Variants in MACROD2 observed in about 807,000 individuals in gnomAD.
The protein encoded by MACROD2 is ADP-ribose glycohydrolase MACROD2.
A neutral mutation model predicts 70.4 loss-of-function variants in MACROD2; 36 were observed. The observed-to-expected ratio is 0.51, with a 90% CI of 0.39 to 0.68. MACROD2 has a LOEUF of 0.68. Among genes scored for constraint, MACROD2 ranks in the 30% least tolerant of loss-of-function variants. The pLI is 0.00. For missense variants in MACROD2, 496 were observed against 538.4 expected (o/e 0.92, Z 0.78); for synonymous variants, 172 against 178.8 (o/e 0.96, Z 0.30).
intron 8 of MACROD2, among the ~76,000 whole-genome samples, chr20:15,551,430 T>C (rs2048095252): frequency 2.6e-5 from 4 of 152,086 alleles, no homozygotes; most frequent in Admixed American, 2.6e-4. Flanking sequence ...ATATTATTAT[T>C]TTACCATAAC....
intron 5 of MACROD2, among the ~76,000 whole-genome samples, chr20:14,881,254 T>A (rs1481705478): frequency 6.6e-6 from 1 of 150,580 alleles, no homozygotes; most frequent in Non-Finnish European, 1.5e-5. Context: ...GGTTCTTTCA[T>A]GCATTCCCTT....
At chr20:16,003,123 A>ACAC (rs1555806741) in intron 15 of MACROD2, among the ~76,000 whole-genome samples, 2 of 134,322 alleles carry the variant, frequency 1.5e-5, no homozygotes, top group Admixed American at 7.4e-5. Context: ...CACACACACA[A>ACAC]ACAATCTCTA....
intron 3 of MACROD2, among the ~76,000 whole-genome samples, chr20:14,115,835 T>C (rs2054506818): frequency 6.6e-6 from 1 of 152,190 alleles, no homozygotes; most frequent in Non-Finnish European, 1.5e-5. Context: ...ACACAAATTA[T>C]AGTGATTCTG....
At chr20:14,428,815 A>G in intron 3 of MACROD2, among the ~76,000 whole-genome samples, 1 of 152,192 alleles carries the variant, frequency 6.6e-6, no homozygotes, top group Non-Finnish European at 1.5e-5. Flanking sequence ...TAGAATGAAT[A>G]AGAACTTTCA....
intron 8 of MACROD2, among the ~76,000 whole-genome samples, chr20:15,534,416 T>C (rs886495433): frequency 6.6e-6 from 1 of 152,368 alleles, no homozygotes; most frequent in East Asian, 1.9e-4. Flanking sequence ...AATATCCACA[T>C]TGACCCAGTT....
intron 5 of MACROD2, among the ~76,000 whole-genome samples, chr20:14,960,274 G>A (rs937749975): frequency 6.6e-6 from 1 of 152,114 alleles, no homozygotes; most frequent in Non-Finnish European, 1.5e-5. Context: ...ATGTTGAAAT[G>A]AGCATCATCG....
chr20:15,156,508 C>G (rs1022757), intron 5 of MACROD2, among the ~76,000 whole-genome samples: 23,560 of 152,038 alleles, frequency 0.15, 2,027 homozygotes, highest in East Asian at 0.34. Context: ...ATCCCCTTGA[C>G]TCACCCCAAT....
intron 4 of MACROD2, among the ~76,000 whole-genome samples, chr20:14,682,966 G>A (rs920097475): frequency 6.6e-5 from 10 of 151,972 alleles, no homozygotes; most frequent in Non-Finnish European, 1.0e-4. Flanking sequence ...TGCAACCTCC[G>A]CCTCCTAGGT....
At chr20:15,065,818 G>T (rs962577044) in intron 5 of MACROD2, among the ~76,000 whole-genome samples, 10 of 152,120 alleles carry the variant, frequency 6.6e-5, no homozygotes, top group Non-Finnish European at 1.0e-4. Context: ...TAAAATAAGA[G>T]ATGTATTCCA....
At chr20:14,386,566 A>G (rs955386361) in intron 3 of MACROD2, among the ~76,000 whole-genome samples, 1 of 152,192 alleles carries the variant, frequency 6.6e-6, no homozygotes, top group African/African-American at 2.4e-5. Flanking sequence ...ACATCTGATC[A>G]TTTAAAAGTA....
intron 2 of MACROD2, among the ~76,000 whole-genome samples, chr20:14,045,773 G>A (rs2053464192): frequency 6.6e-6 from 1 of 152,134 alleles, no homozygotes; most frequent in East Asian, 1.9e-4. Flanking sequence ...TTAAAAGGGA[G>A]GGGGGAATTA....
intron 8 of MACROD2, among the ~76,000 whole-genome samples, chr20:15,616,334 C>T (rs2049038909): frequency 6.6e-6 from 1 of 151,972 alleles, no homozygotes; most frequent in Admixed American, 6.6e-5. Flanking sequence ...GAACTCTTGA[C>T]CTCAAGTGAT....
intron 8 of MACROD2, among the ~76,000 whole-genome samples, chr20:15,514,294 G>A (rs2047538465): frequency 6.6e-6 from 1 of 152,220 alleles, no homozygotes; most frequent in East Asian, 1.9e-4. Context: ...TCACCCACTG[G>A]CTTTCCCAGA....
At chr20:15,204,989 T>C (rs1439872817) in intron 5 of MACROD2, among the ~76,000 whole-genome samples, 1 of 152,118 alleles carries the variant, frequency 6.6e-6, no homozygotes, top group Non-Finnish European at 1.5e-5. Flanking sequence ...CTTTAATTAC[T>C]CTACAGATAA....
chr20:14,474,397 G>T (rs531149757), intron 3 of MACROD2, among the ~76,000 whole-genome samples: 2 of 152,176 alleles, frequency 1.3e-5, no homozygotes, highest in Admixed American at 6.5e-5. Context: ...TCTAACATGT[G>T]GTCTATCCTG....
At chr20:15,339,396 A>C (rs1013757831) in intron 6 of MACROD2, among the ~76,000 whole-genome samples, 4 of 151,774 alleles carry the variant, frequency 2.6e-5, no homozygotes, top group African/African-American at 9.7e-5. Context: ...CAAACAGCAA[A>C]ACATATTACT....
chr20:14,717,452 T>C (rs2071409892), intron 5 of MACROD2, among the ~76,000 whole-genome samples: 1 of 152,150 alleles, frequency 6.6e-6, no homozygotes, highest in Non-Finnish European at 1.5e-5. Context: ...AAATAAATCA[T>C]TTAAAGTATA....
intron 8 of MACROD2, among the ~76,000 whole-genome samples, chr20:15,578,905 G>A (rs1192254688): frequency 6.6e-6 from 1 of 151,892 alleles, no homozygotes; most frequent in Non-Finnish European, 1.5e-5. Context: ...ATAGAAGATA[G>A]ACAGATAAAC....
intron 15 of MACROD2, among the ~76,000 whole-genome samples, chr20:15,997,672 G>T (rs1460625262): frequency 2.6e-5 from 4 of 152,088 alleles, no homozygotes; most frequent in Non-Finnish European, 5.9e-5. Flanking sequence ...TGATTTGAAT[G>T]GCTTTTATTT....
Sources: allele counts gnomAD v4.1 joint callset (sites outside exome capture counted in the v4.1 genomes callset), GRCh38; gene constraint gnomAD v4.1.1; transcripts MANE v1.5; gene names NCBI Gene and HGNC (gene_info 2026-07-23, HGNC 2026-07-21).